The following DYNC2I2 variants were observed in gnomAD, a reference collection of about 807,000 sequenced individuals.
The protein encoded by DYNC2I2 is dynein 2 intermediate chain 2, also known as cytoplasmic dynein 2 intermediate chain 2.
DYNC2I2 carries 39 observed loss-of-function variants against 52.0 expected under a neutral mutation model. The ratio of observed to expected loss-of-function variants is 0.75; its 90% CI spans 0.58 to 0.98. The LOEUF (loss-of-function observed/expected upper bound fraction) is 0.98. DYNC2I2 is among the 50% of genes least tolerant of loss of function. DYNC2I2 has a pLI of 0.00. For synonymous variants in DYNC2I2, 359 were observed against 321.1 expected, an observed-to-expected ratio of 1.12 and a Z score of -1.26; for missense variants, 743 against 728.4, an observed-to-expected ratio of 1.02 and a Z score of -0.23.
the DYNC2I2 span, among the ~76,000 whole-genome samples, chr9:128,668,455 A>T: frequency 6.6e-6 from 1 of 151,618 alleles, no homozygotes; most frequent in Non-Finnish European, 1.5e-5. Context: ...GAGCCACTGC[A>T]TTGGGTCGTA....
the DYNC2I2 span, among the ~76,000 whole-genome samples, chr9:128,681,941 C>T: frequency 6.6e-5 from 10 of 152,250 alleles, no homozygotes; most frequent in South Asian, 1.0e-3. Context: ...CGCCTAGTGG[C>T]GGTGCCTGTA....
chr9:128,637,541 C>G lies in DYNC2I2; in HGVS notation c.436-514G>C, dbSNP rs142048518. Among the ~76,000 whole-genome samples the G allele has an allele frequency of 3.3e-3, 498 of 152,288 alleles. 3 individuals are homozygous for G. Among genetic ancestry groups the G allele is most frequent in the African/African-American group, 0.011 (466 of 41,572 alleles). The stretch of plus-strand genomic sequence containing the variant: ...CACTGCAACTGCCACCTCCTGGGTT[C>G]AAGTGATTCTCATGCCTCAGCCTCC... On this transcript the variant is annotated intron_variant, in intron 2 of 8. Coordinates refer to ENST00000372715, the MANE Select transcript of DYNC2I2 (RefSeq NM_052844.4).
the DYNC2I2 span, among the ~76,000 whole-genome samples, chr9:128,679,836 G>T: frequency 1.1e-4 from 17 of 151,852 alleles, no homozygotes; most frequent in African/African-American, 4.1e-4. Context: ...AACAGGGAGG[G>T]AGACCCTATC....
At chr9:128,645,561 G>A (rs554211822) in intron 1 of DYNC2I2, among the ~76,000 whole-genome samples, 24 of 124,738 alleles carry the variant, frequency 1.9e-4, no homozygotes, top group Non-Finnish European at 3.3e-4. Context: ...AGGTTGCAAT[G>A]AGCCGAGATC....
At position 128,640,665 on chromosome 9, in the gene DYNC2I2, C is replaced by G. The variant is rs1252967146; in HGVS notation, c.435+26G>C. 5.6e-6 allele frequency: 9 copies of G among 1,603,806 alleles called. No individual in the cohort carries two copies. In the Admixed American group the frequency reaches 8.4e-5, roughly 15 times the overall value. ...ACAGAAGTGGGGCAGGGGCTCGACC[C>G]GAGGCTGCACCAGCCCATCCCCTAC... On this transcript the variant is annotated intron_variant, in intron 2 of 8. Transcript: ENST00000372715.
Position 128,634,388 on chromosome 9 carries a change from A to T in DYNC2I2, c.1215-5T>A, listed in dbSNP as rs1297933730. The T allele has an allele frequency of 6.4e-7, 1 of 1,573,844 alleles. No individual in the cohort carries two copies. The highest frequency in any genetic ancestry group is 1.7e-4 in the Middle Eastern group (1 of 5,816). ...CCAGCGCTCAGGAAGAGATTCCTAGACGGGATGCAGGGGGCCAGGCAAGGG... is the reference window on the plus strand; with the variant it reads ...CCAGCGCTCAGGAAGAGATTCCTAGTCGGGATGCAGGGGGCCAGGCAAGGG... On this transcript the variant is annotated splice_region_variant and splice_polypyrimidine_tract_variant and intron_variant, in intron 7 of 8. Transcript: ENST00000372715.
At chr9:128,641,056 G>A in intron 1 of DYNC2I2, 117 bp from the exon 2 acceptor site, 1 of 1,431,252 alleles carries the variant, frequency 7.0e-7, no homozygotes, top group Non-Finnish European at 9.2e-7. Flanking sequence ...TCTCAGGCTA[G>A]GGGCCTCTCT....
At chr9:128,664,955 C>T in the DYNC2I2 span, among the ~76,000 whole-genome samples, 1 of 151,644 alleles carries the variant, frequency 6.6e-6, no homozygotes, top group Non-Finnish European at 1.5e-5. Context: ...AAGATCCCAT[C>T]TCTTTTTTAA....
the DYNC2I2 span, among the ~76,000 whole-genome samples, chr9:128,678,088 G>C: frequency 6.9e-6 from 1 of 145,898 alleles, no homozygotes; most frequent in Non-Finnish European, 1.5e-5. Flanking sequence ...TTTTTTTTTG[G>C]GACAGAGTTT....
At chr9:128,648,511 C>A (rs892832578) in intron 1 of DYNC2I2, among the ~76,000 whole-genome samples, 1 of 151,344 alleles carries the variant, frequency 6.6e-6, no homozygotes, top group Middle Eastern at 3.2e-3. Context: ...CAGGGCCAGG[C>A]ATGGTGGCTC....
At chr9:128,641,976 TACAC>T (rs142269423) in intron 1 of DYNC2I2, among the ~76,000 whole-genome samples, 29 of 147,062 alleles carry the variant, frequency 2.0e-4, no homozygotes, top group African/African-American at 3.7e-4. Context: ...TTTATATACA[TACAC>T]ACACACACAC....
chr9:128,670,685 G>A, the DYNC2I2 span, among the ~76,000 whole-genome samples: 31 of 150,576 alleles, frequency 2.1e-4, 1 homozygote, highest in Non-Finnish European at 4.4e-5. Flanking sequence ...GTAGTGAGCC[G>A]AGATCACACC....
chr9:128,668,751 T>C, the DYNC2I2 span, among the ~76,000 whole-genome samples: 2 of 143,772 alleles, frequency 1.4e-5, no homozygotes, highest in Admixed American at 7.2e-5. Context: ...TCCCAGGAGG[T>C]AGAAGTTGCA....
intron 1 of DYNC2I2, among the ~76,000 whole-genome samples, chr9:128,653,624 G>A (rs529206069): frequency 7.9e-4 from 120 of 151,292 alleles, no homozygotes; most frequent in Non-Finnish European, 9.8e-4. Flanking sequence ...GCTGAGGCAG[G>A]AGAATCGCTT....
At chr9:128,663,111 T>C in the DYNC2I2 span, 1 of 152,200 alleles carries the variant, frequency 6.6e-6, no homozygotes, top group Non-Finnish European at 1.5e-5. Flanking sequence ...TCATTCTTAA[T>C]GATCCAGATT....
Position 128,656,581 on chromosome 9 carries a change from G to A in DYNC2I2, c.146C>T (p.Pro49Leu). 4 of 1,483,778 alleles carry A rather than the reference G, an allele frequency of 2.7e-6. No individual in the cohort carries two copies. The highest frequency in any genetic ancestry group is 3.6e-6 in the Non-Finnish European group (4 of 1,125,202). The allele number at this position is 1,483,778 out of a possible 1,614,324, so 91.9% of individuals were successfully genotyped here. Residue 49 changes from proline to leucine, a missense_variant, in exon 1 of 9, where the codon CCC (proline) becomes CTC (leucine). Pro to Leu is a moderately conservative substitution (Grantham distance 98). Transcript: ENST00000372715. ...QDETLGVASVPSQWRAVQGIR... is the reference protein window; with the variant it reads ...QDETLGVASVLSQWRAVQGIR... ...GCCCTGGACGGCCCTCCACTGCGAG[G>A]GCACGGACGCCACACCCAGGGTCTC...
intron 1 of DYNC2I2, among the ~76,000 whole-genome samples, chr9:128,649,705 A>AAAAAAAAAAAAAAAAAAAAAAAC (rs1564344280): frequency 7.0e-6 from 1 of 143,426 alleles, no homozygotes; most frequent in African/African-American, 2.7e-5. Flanking sequence ...AAAAAAAAAA[A>AAAAAAAAAAAAAAAAAAAAAAAC]AAAACTGGGC....
the DYNC2I2 span, among the ~76,000 whole-genome samples, chr9:128,668,242 A>G: frequency 2.8e-3 from 374 of 134,782 alleles, no homozygotes; most frequent in Non-Finnish European, 5.1e-3. Flanking sequence ...TACAGGCGTG[A>G]GCCACCACGC....
At chr9:128,655,500 G>A (rs1318398970) in intron 1 of DYNC2I2, among the ~76,000 whole-genome samples, 1 of 108,780 alleles carries the variant, frequency 9.2e-6, no homozygotes, top group African/African-American at 3.3e-5. Context: ...GACAGAGCGA[G>A]ACTCCGTCTC....
Sources: gnomAD v4.1 joint callset for allele counts (sites outside exome capture counted in the v4.1 genomes callset) on GRCh38, gnomAD v4.1.1 for gene constraint, MANE v1.5 for transcripts, NCBI Gene and HGNC (gene_info 2026-07-23, HGNC 2026-07-21) for gene names.